Variants in PCNX4 observed in about 807,000 individuals in gnomAD.
PCNX4 encodes the protein pecanex 4.
PCNX4 carries 103 observed loss-of-function variants against 107.2 expected under a neutral mutation model. The observed-to-expected ratio is 0.96, with a 90% CI of 0.82 to 1.13. The LOEUF (loss-of-function observed/expected upper bound fraction) is 1.13. Ranked by LOEUF, PCNX4 falls within the 50% of genes most tolerant of loss-of-function variation. PCNX4 has a pLI of 0.00. For missense variants in PCNX4, 1,528 were observed against 1,379.4 expected (o/e 1.11, Z -1.71); for synonymous variants, 541 against 481.7 (o/e 1.12, Z -1.61).
At chr14:60,132,797 T>C (rs1896178847) in intron 10 of PCNX4, among the ~76,000 whole-genome samples, 1 of 152,206 alleles carries the variant, frequency 6.6e-6, no homozygotes, top group Non-Finnish European at 1.5e-5. Flanking sequence ...AGGATCTATA[T>C]AGACATTTCT....
Position 60,144,116 on chromosome 14 carries a change from C to T in PCNX4, c.*9895C>T, listed in dbSNP as rs1896341220. 2.6e-5 allele frequency: 4 copies of T among 152,158 alleles called. No individual in the cohort carries two copies. The highest frequency in any genetic ancestry group is 2.6e-4 in the Admixed American group (4 of 15,278). 9.4% of individuals were successfully genotyped at this position (152,158 alleles called of 1,614,324 possible). A position where few individuals can be genotyped will look rare whatever the true frequency, so the allele number is the denominator to read the frequency against. Reference sequence around the variant, plus strand: ...GTTAATTAACTAATACTAAGCACTCCAGTACAGTAGAAGACATACAACAGG... The same window carrying T: ...GTTAATTAACTAATACTAAGCACTCTAGTACAGTAGAAGACATACAACAGG... On this transcript the variant is annotated 3_prime_UTR_variant, in exon 11 of 11. Coordinates refer to ENST00000406854, the MANE Select transcript of PCNX4 (RefSeq NM_001330177.2).
Position 60,125,795 on chromosome 14 carries a change from T to A in PCNX4, c.3239T>A (p.Leu1080Ter). 1 of 1,609,564 alleles carries A rather than the reference T, an allele frequency of 6.2e-7. No individual in the cohort carries two copies. The highest frequency in any genetic ancestry group is 8.5e-7 in the Non-Finnish European group (1 of 1,178,196). ...KEAILQEKPY[L>*]FSLGYDSNMG... ...GCAATTTTACAAGAAAAGCCATACT[T>A]GTTTTCTCTGGGGTATGATTCTAAT... The change falls in exon 10 of 11, where the codon TTG becomes TAG. Residue 1080 changes from leucine (L) to a stop codon, truncating the protein, a stop_gained. Coordinates refer to ENST00000406854, the MANE Select transcript of PCNX4 (RefSeq NM_001330177.2). LOFTEE classifies it high-confidence loss of function.
At chr14:60,129,763 A>G (rs1287777933) in intron 10 of PCNX4, among the ~76,000 whole-genome samples, 1 of 152,226 alleles carries the variant, frequency 6.6e-6, no homozygotes, top group Non-Finnish European at 1.5e-5. Context: ...CTTCACCACA[A>G]TTAGTGTAAA....
Position 60,115,835 on chromosome 14 carries a change from G to A in PCNX4, c.1458+16G>A, listed in dbSNP as rs1255529075. The A allele has an allele frequency of 1.2e-6, 2 of 1,601,456 alleles. No homozygotes were observed. Among genetic ancestry groups the A allele is most frequent in the East Asian group, 2.2e-5 (1 of 44,766 alleles). ...CTTTAGAATGGTAATCCTAATATGTGTTTAATAGTATTTTCCTATTGCTAA... is the reference window on the plus strand; with the variant it reads ...CTTTAGAATGGTAATCCTAATATGTATTTAATAGTATTTTCCTATTGCTAA... On this transcript the variant is annotated intron_variant, in intron 5 of 10. Coordinates refer to ENST00000406854, the MANE Select transcript of PCNX4 (RefSeq NM_001330177.2).
chr14:60,095,327 T>TG (rs1319274542), intron 1 of PCNX4, among the ~76,000 whole-genome samples: 1 of 151,986 alleles, frequency 6.6e-6, no homozygotes, highest in African/African-American at 2.4e-5. Flanking sequence ...ACAGACAAAA[T>TG]GGGGTAGGGG....
rs545408045 is a variant in PCNX4 at position 60,126,586 on chromosome 14, C to T, written c.3267+763C>T. 9.2e-4 allele frequency among the ~76,000 whole-genome samples: 140 copies of T among 152,302 alleles called. 1 individual carries two copies. The Middle Eastern group carries it at 0.014, about 15-fold the overall frequency. On this transcript the variant is annotated intron_variant, in intron 10 of 10. Coordinates refer to ENST00000406854, the MANE Select transcript of PCNX4 (RefSeq NM_001330177.2). ...ACCAAGACCTACCCTACCTGAACCT[C>T]AGCAAGATGGAATCTCCCCTCAGAC...
chr14:60,131,925 A>T (rs1399935189), intron 10 of PCNX4, among the ~76,000 whole-genome samples: 1 of 152,276 alleles, frequency 6.6e-6, no homozygotes, highest in East Asian at 1.9e-4. Flanking sequence ...CAAGGATGCC[A>T]AGACCATTCA....
At chr14:60,116,784 A>T (rs957558685) in intron 6 of PCNX4, among the ~76,000 whole-genome samples, 10 of 152,198 alleles carry the variant, frequency 6.6e-5, no homozygotes, top group African/African-American at 2.4e-4. Context: ...ATAGGAGATG[A>T]CAACTCCATG....
At chr14:60,098,863 G>A (rs1455243414) in intron 1 of PCNX4, among the ~76,000 whole-genome samples, 6 of 151,590 alleles carry the variant, frequency 4.0e-5, no homozygotes, top group Admixed American at 6.6e-5. Flanking sequence ...GCTTGAACCC[G>A]AGAGGCGGAG....
At position 60,121,303 on chromosome 14, in the gene PCNX4, A is replaced by T; in HGVS notation, c.2046+4A>T. ...TTACTGCTCTATTAACATTAAGGTC[A>T]GTGTGCATATAAAACATCTGTAGTA... On this transcript the variant is annotated splice_donor_region_variant and intron_variant, in intron 8 of 10. Coordinates refer to ENST00000406854, the MANE Select transcript of PCNX4 (RefSeq NM_001330177.2). 1.9e-6 allele frequency: 3 copies of T among 1,607,730 alleles called. No homozygotes were observed. The highest frequency in any genetic ancestry group is 2.5e-6 in the Non-Finnish European group (3 of 1,177,224).
intron 10 of PCNX4, among the ~76,000 whole-genome samples, chr14:60,128,861 T>A (rs1896103024): frequency 1.3e-5 from 2 of 152,188 alleles, no homozygotes; most frequent in African/African-American, 4.8e-5. Context: ...TGAATCCAGA[T>A]AATTCATTTC....
At chr14:60,114,620 T>C in intron 2 of PCNX4, 80 bp from the exon 3 acceptor site, 6 of 1,232,464 alleles carry the variant, frequency 4.9e-6, no homozygotes, top group East Asian at 4.7e-5. Context: ...TGTGTTGTTA[T>C]TCTGTGTTGC....
rs1896029321 is a variant in PCNX4, at chr14:60,125,116, T to C, written c.2945T>C (p.Leu982Ser). ...ACAGTAATGACTTGTTATTTTAGTT[T>C]ATTTGGAATAGACAATATGGCTCCT... ...VHTVMTCYFS[L>S]FGIDNMAPSP... is the part of the protein sequence containing the mutation. The change falls in exon 9 of 11, where the codon TTA (leucine) becomes TCA (serine). Residue 982 changes from leucine (L) to serine (S), a missense_variant. Leu to Ser is a moderately radical substitution (Grantham distance 145). Coordinates refer to ENST00000406854, the MANE Select transcript of PCNX4 (RefSeq NM_001330177.2). 1.2e-6 allele frequency: 2 copies of C among 1,612,946 alleles called. No homozygotes were observed. The highest frequency in any genetic ancestry group is 1.7e-6 in the Non-Finnish European group (2 of 1,179,364).
At chr14:60,107,013 A>G (rs543092002) in intron 1 of PCNX4, among the ~76,000 whole-genome samples, 5 of 152,354 alleles carry the variant, frequency 3.3e-5, no homozygotes, top group Admixed American at 6.5e-5. Flanking sequence ...TGTTGACCTC[A>G]GAATTTAAAT....
In PCNX4 at chr14:60,134,070, G is replaced by T. The variant is rs1272830153; in HGVS notation, c.3368G>T (p.Trp1123Leu). 6.2e-7 allele frequency: 1 copy of T among 1,613,776 alleles called. No individual in the cohort carries two copies. The highest frequency in any genetic ancestry group is 1.1e-5 in the South Asian group (1 of 91,074). ...AVRGQWANLS[W>L]ELLYATNDDE... The stretch of plus-strand genomic sequence containing the variant: ...AGAGGTCAGTGGGCCAATCTTTCAT[G>T]GGAATTACTTTATGCCACAAACGAT... Residue 1123 changes from tryptophan to leucine, a missense_variant, in exon 11 of 11, where the codon TGG becomes TTG. Physicochemically the swap from Trp to Leu is moderately conservative, Grantham distance 61 (BLOSUM62 -2). Coordinates refer to ENST00000406854, the MANE Select transcript of PCNX4 (RefSeq NM_001330177.2).
Position 60,092,117 on chromosome 14 carries a change from G to C in PCNX4, c.-356G>C, listed in dbSNP as rs1229229087. 6.6e-6 allele frequency: 1 copy of C among 152,316 alleles called. No homozygotes were observed. The highest frequency in any genetic ancestry group is 2.4e-5 in the African/African-American group (1 of 41,472). 9.4% of individuals were successfully genotyped at this position (152,316 alleles called of 1,614,324 possible). A position where few individuals can be genotyped will look rare whatever the true frequency, so the allele number is the denominator to read the frequency against. ...TAGGCCAAGCCTGCTTTACGGCAGG[G>C]CCCGCCTCGGGAGCGAGCACAGACC... On this transcript the variant is annotated 5_prime_UTR_variant, in exon 1 of 11. Transcript: ENST00000406854.
intron 7 of PCNX4, among the ~76,000 whole-genome samples, chr14:60,119,171 A>G (rs373751384): frequency 2.0e-5 from 3 of 152,226 alleles, no homozygotes; most frequent in Non-Finnish European, 2.9e-5. Context: ...ACAAGATAAC[A>G]TAAAAACTTC....
intron 6 of PCNX4, among the ~76,000 whole-genome samples, chr14:60,117,654 G>A (rs1339486864): frequency 6.6e-6 from 1 of 152,124 alleles, no homozygotes; most frequent in Non-Finnish European, 1.5e-5. Context: ...GGCCAGACAC[G>A]GTGGATCACG....
chr14:60,114,579 T>C, intron 2 of PCNX4, 121 bp from the exon 3 acceptor site: 1 of 702,306 alleles, frequency 1.4e-6, no homozygotes. Flanking sequence ...TTTTCTGTGG[T>C]GTGTGTGTGT....
Sources: allele counts gnomAD v4.1 joint callset (sites outside exome capture counted in the v4.1 genomes callset), GRCh38; gene constraint gnomAD v4.1.1; transcripts MANE v1.5; gene names NCBI Gene and HGNC (gene_info 2026-07-23, HGNC 2026-07-21).